The following CFAP58 variants were observed in gnomAD, a reference collection of about 807,000 sequenced individuals.
CFAP58 encodes cilia- and flagella-associated protein 58.
Under a neutral mutation model 119.5 loss-of-function variants are expected in CFAP58, and 88 were observed. That is an observed-to-expected ratio of 0.74 (90% CI 0.62 to 0.88). The LOEUF (loss-of-function observed/expected upper bound fraction) is 0.88, where lower values mean the gene tolerates loss of function less well. Among genes scored for constraint, CFAP58 ranks in the 40% least tolerant of loss-of-function variants. The probability of loss-of-function intolerance (pLI) is 0.00; values close to 1 mark genes in which losing one functional copy is unlikely to be tolerated. For synonymous variants in CFAP58, 365 were observed against 366.3 expected (o/e 1.00, Z 0.04); for missense variants, 990 against 1,021.2 (o/e 0.97, Z 0.42).
chr10:104,390,474 T>C (rs968804999), intron 9 of CFAP58, among the ~76,000 whole-genome samples: 1 of 152,236 alleles, frequency 6.6e-6, no homozygotes, highest in Non-Finnish European at 1.5e-5. Context: ...AATAACTTTG[T>C]AAATATTACT....
At chr10:104,442,516 A>G (rs2013054708) in intron 15 of CFAP58, among the ~76,000 whole-genome samples, 1 of 149,784 alleles carries the variant, frequency 6.7e-6, no homozygotes. Flanking sequence ...TGAACCCGCG[A>G]GGTGGAGGTT....
intron 16 of CFAP58, among the ~76,000 whole-genome samples, chr10:104,448,340 G>T (rs2013142500): frequency 6.6e-6 from 1 of 152,252 alleles, no homozygotes; most frequent in African/African-American, 2.4e-5. Context: ...AATCAGGCAA[G>T]ATTTTTTGAT....
intron 15 of CFAP58, among the ~76,000 whole-genome samples, chr10:104,431,167 C>T (rs1019056102): frequency 3.3e-5 from 5 of 152,296 alleles, no homozygotes; most frequent in African/African-American, 9.6e-5. Flanking sequence ...ATCATTCATT[C>T]GTTCTTCTTT....
At chr10:104,409,579 G>A (rs1292950817) in intron 15 of CFAP58, among the ~76,000 whole-genome samples, 1 of 152,078 alleles carries the variant, frequency 6.6e-6, no homozygotes, top group Non-Finnish European at 1.5e-5. Flanking sequence ...AAAAAAGTTT[G>A]GAGATTTGTC....
At position 104,365,812 on chromosome 10, in the gene CFAP58, A is replaced by G. The variant is rs780508903; in HGVS notation, c.598-2A>G. 1.2e-6 allele frequency: 2 copies of G among 1,608,012 alleles called. No homozygotes were observed. The highest frequency in any genetic ancestry group is 2.2e-5 in the East Asian group (1 of 44,790). On this transcript the variant is annotated splice_acceptor_variant, in intron 4 of 17. Transcript: ENST00000369704. LOFTEE classifies it high-confidence loss of function. The stretch of plus-strand genomic sequence containing the variant: ...CTCTCTTGTCCTTTCCGCAACCTCT[A>G]GTTCCAACAAGAAATCCAGCAACGT...
At chr10:104,444,879 T>C (rs537495869) in intron 15 of CFAP58, among the ~76,000 whole-genome samples, 1 of 152,338 alleles carries the variant, frequency 6.6e-6, no homozygotes, top group South Asian at 2.1e-4. Context: ...CCTGGGTTAT[T>C]TAATTCTCAG....
At chr10:104,453,931 G>A (rs2013235867) in intron 17 of CFAP58, among the ~76,000 whole-genome samples, 1 of 152,092 alleles carries the variant, frequency 6.6e-6, no homozygotes, top group South Asian at 2.1e-4. Context: ...ATGGTTGCTT[G>A]TCTAGGGTTA....
the CFAP58 span, among the ~76,000 whole-genome samples, chr10:104,342,382 A>G: frequency 6.6e-6 from 1 of 152,190 alleles, no homozygotes; most frequent in African/African-American, 2.4e-5. Flanking sequence ...GAACATTGTT[A>G]TTGGCCACCT....
At chr10:104,421,008 C>CT (rs1242474785) in intron 15 of CFAP58, among the ~76,000 whole-genome samples, 2 of 152,138 alleles carry the variant, frequency 1.3e-5, no homozygotes, top group African/African-American at 4.8e-5. Flanking sequence ...CAACCTTGGC[C>CT]TGCCAAAGTG....
At chr10:104,360,833 A>G (rs1305075056) in intron 2 of CFAP58, among the ~76,000 whole-genome samples, 4 of 152,178 alleles carry the variant, frequency 2.6e-5, no homozygotes, top group South Asian at 2.1e-4. Flanking sequence ...TTATGGCTGC[A>G]TAGTATTTCA....
intron 9 of CFAP58, among the ~76,000 whole-genome samples, chr10:104,390,347 A>T (rs778307697): frequency 1.6e-4 from 24 of 152,216 alleles, no homozygotes; most frequent in Admixed American, 3.3e-4. Flanking sequence ...TTTGATGATA[A>T]AAAGGAAAGT....
At chr10:104,403,511 C>CTTTTTTT (rs572839157) in intron 13 of CFAP58, among the ~76,000 whole-genome samples, 2 of 133,140 alleles carry the variant, frequency 1.5e-5, no homozygotes, top group Admixed American at 7.7e-5. Context: ...AGCCCTGGCA[C>CTTTTTTT]TTTTTTTTTT....
At chr10:104,375,852 A>T (rs1249643893) in intron 7 of CFAP58, among the ~76,000 whole-genome samples, 5 of 152,204 alleles carry the variant, frequency 3.3e-5, no homozygotes, top group Non-Finnish European at 7.3e-5. Context: ...GGTTGAGTTT[A>T]TCTGAAGACC....
chr10:104,389,120 A>G lies in CFAP58; in HGVS notation c.1366-3113A>G, dbSNP rs1021362092. Among the ~76,000 whole-genome samples the G allele has an allele frequency of 4.6e-5, 7 of 152,162 alleles. 1 individual carries two copies. Among genetic ancestry groups the G allele is most frequent in the Non-Finnish European group, 8.8e-5 (6 of 68,024 alleles). On this transcript the variant is annotated intron_variant, in intron 9 of 17. Coordinates refer to ENST00000369704, the MANE Select transcript of CFAP58 (RefSeq NM_001008723.2). Reference sequence around the variant, plus strand: ...TACTTAACACCCATATACTTTATGAATTTTCAGGATTTGAACTTCTGCATG... The same window carrying G: ...TACTTAACACCCATATACTTTATGAGTTTTCAGGATTTGAACTTCTGCATG...
chr10:104,405,898 C>G (rs149696059), intron 14 of CFAP58, among the ~76,000 whole-genome samples: 2 of 152,244 alleles, frequency 1.3e-5, no homozygotes, highest in African/African-American at 4.8e-5. Flanking sequence ...ATTGCCTGAG[C>G]CCAGGAGTAA....
At chr10:104,386,036 A>T (rs1483880810) in intron 9 of CFAP58, among the ~76,000 whole-genome samples, 1 of 150,346 alleles carries the variant, frequency 6.7e-6, no homozygotes, top group Non-Finnish European at 1.5e-5. Context: ...TAAGGATACA[A>T]ATTGTTTAAA....
rs375816285 is a variant in CFAP58 at position 104,388,155 on chromosome 10, T to C, written c.1366-4078T>C. ...CAAGGGAACACAAATTATAAGCTTT[T>C]TCTATCATAATAAAAGAAGCATGCT... On this transcript the variant is annotated intron_variant, in intron 9 of 17. Transcript: ENST00000369704. Among the ~76,000 whole-genome samples, 222 of 152,272 alleles carry C rather than the reference T, an allele frequency of 1.5e-3. 1 individual carries two copies. Among genetic ancestry groups the C allele is most frequent in the African/African-American group, 5.2e-3 (217 of 41,534 alleles).
In CFAP58 at chr10:104,406,804, T is replaced by A; in HGVS notation, c.2256+11T>A. ...GAGCTGCTCCTCCAGGTAGCATTTT[T>A]GTTTTCTGTACTCATTGTACAAGTC... On this transcript the variant is annotated intron_variant, in intron 15 of 17. Coordinates refer to ENST00000369704, the MANE Select transcript of CFAP58 (RefSeq NM_001008723.2). 6.2e-7 allele frequency: 1 copy of A among 1,608,870 alleles called. No individual in the cohort carries two copies. Among genetic ancestry groups the A allele is most frequent in the Non-Finnish European group, 8.5e-7 (1 of 1,175,166 alleles).
chr10:104,437,911 G>A (rs914506271), intron 15 of CFAP58, among the ~76,000 whole-genome samples: 6 of 151,878 alleles, frequency 4.0e-5, no homozygotes, highest in Non-Finnish European at 8.8e-5. Context: ...AATCATAAGA[G>A]CACAAACTTT....
Sources: allele counts gnomAD v4.1 joint callset (sites outside exome capture counted in the v4.1 genomes callset), GRCh38; gene constraint gnomAD v4.1.1; transcripts MANE v1.5; gene names NCBI Gene and HGNC (gene_info 2026-07-23, HGNC 2026-07-21).